BCAR3: variants seen among roughly 807,000 people sequenced by gnomAD.
BCAR3 encodes the protein breast cancer anti-estrogen resistance protein 3.
BCAR3 carries 37 observed loss-of-function variants against 80.1 expected under a neutral mutation model. That is an observed-to-expected ratio of 0.46 (90% CI 0.36 to 0.61). BCAR3 has a LOEUF of 0.61. Among genes scored for constraint, BCAR3 ranks in the 20% least tolerant of loss-of-function variants. The pLI is 0.00. For missense variants in BCAR3, 978 were observed against 1,068.2 expected, an observed-to-expected ratio of 0.92 and a Z score of 1.18; for synonymous variants, 389 against 418.9, an observed-to-expected ratio of 0.93 and a Z score of 0.87.
At chr1:93,836,185 GC>G (rs1654760937) in intron 2 of BCAR3, among the ~76,000 whole-genome samples, 1 of 152,160 alleles carries the variant, frequency 6.6e-6, no homozygotes, top group Non-Finnish European at 1.5e-5. Flanking sequence ...GCCCATTTAA[GC>G]TCCTGTACGG....
At chr1:93,622,313 T>G (rs1442661819) in intron 3 of BCAR3, among the ~76,000 whole-genome samples, 1 of 152,246 alleles carries the variant, frequency 6.6e-6, no homozygotes, top group African/African-American at 2.4e-5. Flanking sequence ...CTCTTAAAGT[T>G]AATGATTAAA....
At chr1:93,777,384 T>C (rs1004728383) in intron 2 of BCAR3, among the ~76,000 whole-genome samples, 4 of 133,108 alleles carry the variant, frequency 3.0e-5, no homozygotes, top group Non-Finnish European at 4.6e-5. Flanking sequence ...CCTCCTCTTC[T>C]TCTTCCTCTT....
Position 93,729,136 on chromosome 1 carries a change from T to C in BCAR3, c.-62-22994A>G, listed in dbSNP as rs538304447. Among the ~76,000 whole-genome samples, 13 of 152,330 alleles carry C rather than the reference T, an allele frequency of 8.5e-5. No individual in the cohort carries two copies. In the East Asian group the frequency reaches 2.1e-3, roughly 25 times the overall value. On this transcript the variant is annotated intron_variant, in intron 2 of 13. Transcript: ENST00000370244. ...CAGAGATTTTCATGTAGGCAGTTTATTGGGGAATGCTCTCGAAAACCATAC... is the reference window on the plus strand; with the variant it reads ...CAGAGATTTTCATGTAGGCAGTTTACTGGGGAATGCTCTCGAAAACCATAC...
At chr1:93,656,631 T>G (rs1399549602) in intron 2 of BCAR3, among the ~76,000 whole-genome samples, 1 of 150,398 alleles carries the variant, frequency 6.6e-6, no homozygotes, top group East Asian at 2.0e-4. Context: ...TTTTTGAGAC[T>G]ATCTCACTTG....
chr1:93,835,362 AG>A (rs1391003563), intron 2 of BCAR3, among the ~76,000 whole-genome samples: 1 of 152,198 alleles, frequency 6.6e-6, no homozygotes, highest in Non-Finnish European at 1.5e-5. Context: ...TATGCTGATA[AG>A]GTATCTAAAG....
intron 3 of BCAR3, among the ~76,000 whole-genome samples, chr1:93,604,337 A>T (rs1023703071): frequency 2.0e-5 from 3 of 152,222 alleles, no homozygotes; most frequent in Non-Finnish European, 4.4e-5. Flanking sequence ...TATCAAACCT[A>T]ATCAATCTCT....
At chr1:93,627,578 A>G (rs544338496) in intron 3 of BCAR3, among the ~76,000 whole-genome samples, 25 of 152,368 alleles carry the variant, frequency 1.6e-4, no homozygotes, top group Non-Finnish European at 3.5e-4. Context: ...TCAGACACTA[A>G]AGAGATGTGC....
At chr1:93,718,313 C>G (rs1356555585) in intron 2 of BCAR3, among the ~76,000 whole-genome samples, 1 of 152,200 alleles carries the variant, frequency 6.6e-6, no homozygotes, top group East Asian at 1.9e-4. Context: ...CCTAGAAAGA[C>G]TGAAACCACT....
At chr1:93,747,596 G>T (rs1438377091) in intron 2 of BCAR3, among the ~76,000 whole-genome samples, 1 of 151,510 alleles carries the variant, frequency 6.6e-6, no homozygotes, top group East Asian at 1.9e-4. Context: ...GTGCTCACCT[G>T]CCCTATCAAA....
chr1:93,589,304 A>T lies in BCAR3; in HGVS notation c.602T>A (p.Ile201Asn). Residue 201 changes from isoleucine (I) to asparagine (N), a missense_variant, in exon 5 of 12, where the codon ATC becomes AAC. Coordinates refer to ENST00000260502, the MANE Select transcript of BCAR3 (RefSeq NM_003567.4). The part of the protein sequence containing the change: ...QWKNLAQHFK[I>N]NRTVLRLSEA... ...GCTGAGTCGCAGAACTGTCCGGTTG[A>T]TTTTGAAGTGCTGAGCGAGGTTCTT... 1.9e-6 allele frequency: 3 copies of T among 1,614,192 alleles called. No individual in the cohort carries two copies. Among genetic ancestry groups the T allele is most frequent in the Non-Finnish European group, 2.5e-6 (3 of 1,180,036 alleles).
intron 3 of BCAR3, among the ~76,000 whole-genome samples, chr1:93,606,101 A>T (rs1334898322): frequency 6.6e-6 from 1 of 152,230 alleles, no homozygotes; most frequent in African/African-American, 2.4e-5. Flanking sequence ...TTGGCCAGAC[A>T]TCAACTGCAC....
chr1:93,736,377 CG>C (rs1650972168), intron 2 of BCAR3, among the ~76,000 whole-genome samples: 2 of 152,230 alleles, frequency 1.3e-5, no homozygotes, highest in South Asian at 4.1e-4. Flanking sequence ...TTAGTAGAAA[CG>C]GGGTTTCATC....
intron 2 of BCAR3, among the ~76,000 whole-genome samples, chr1:93,660,102 G>C (rs755370150): frequency 6.6e-6 from 1 of 151,924 alleles, no homozygotes; most frequent in African/African-American, 2.4e-5. Flanking sequence ...ATACGCGGAA[G>C]ACCTAGACCT....
chr1:93,787,777 A>G lies in BCAR3; in HGVS notation c.-63+57790T>C, dbSNP rs377150013. On this transcript the variant is annotated intron_variant, in intron 2 of 13. Transcript: ENST00000370244. The stretch of plus-strand genomic sequence containing the variant: ...TGTTCCACGTGCTGATGAGAAGAAT[A>G]TATATTCTTCAGTTGTTGGGTAGAA... 2.6e-5 allele frequency among the ~76,000 whole-genome samples: 4 copies of G among 152,270 alleles called. No homozygotes were observed. In the East Asian group the frequency reaches 5.8e-4, roughly 22 times the overall value.
intron 2 of BCAR3, among the ~76,000 whole-genome samples, chr1:93,744,306 G>A (rs1349197370): frequency 6.6e-6 from 1 of 152,178 alleles, no homozygotes; most frequent in Admixed American, 6.5e-5. Context: ...GTCCTGATCA[G>A]TCCCTTTCTT....
At chr1:93,655,456 G>T (rs1647329882) in intron 2 of BCAR3, among the ~76,000 whole-genome samples, 3 of 152,138 alleles carry the variant, frequency 2.0e-5, no homozygotes, top group Admixed American at 2.0e-4. Flanking sequence ...TAAATGACTG[G>T]CTTTGGTGAG....
chr1:93,597,714 G>C (rs989877159), intron 3 of BCAR3, among the ~76,000 whole-genome samples: 1 of 152,188 alleles, frequency 6.6e-6, no homozygotes, highest in Non-Finnish European at 1.5e-5. Context: ...AAAATAAGCA[G>C]ACTTCATGTT....
At chr1:93,798,614 G>A (rs1337836893) in intron 2 of BCAR3, among the ~76,000 whole-genome samples, 1 of 152,104 alleles carries the variant, frequency 6.6e-6, no homozygotes, top group Non-Finnish European at 1.5e-5. Flanking sequence ...TTGATTTTTG[G>A]CCAGTTAGAC....
At chr1:93,567,909 G>T in intron 9 of BCAR3, 58 bp from the exon 10 acceptor site, 1 of 1,436,562 alleles carries the variant, frequency 7.0e-7, no homozygotes, top group Non-Finnish European at 9.8e-7. Context: ...TTTAGTGGCT[G>T]GGCGTGGTAG....
Sources: gnomAD v4.1 joint callset for allele counts (sites outside exome capture counted in the v4.1 genomes callset) on GRCh38, gnomAD v4.1.1 for gene constraint, MANE v1.5 for transcripts, NCBI Gene and HGNC (gene_info 2026-07-23, HGNC 2026-07-21) for gene names.